The following GP2 variants were observed in gnomAD, a reference collection of about 807,000 sequenced individuals.
GP2 encodes glycoprotein 2.
A neutral mutation model predicts 60.8 loss-of-function variants in GP2; 58 were observed. That is an observed-to-expected ratio of 0.95 (90% CI 0.77 to 1.19). The LOEUF is 1.19. Ranked by LOEUF, GP2 falls within the 50% of genes most tolerant of loss-of-function variation. The pLI, the probability that GP2 is intolerant of heterozygous loss-of-function variation, is 0.00. For synonymous variants in GP2, 280 were observed against 253.4 expected (o/e 1.10, Z -1.00); for missense variants, 647 against 667.4 (o/e 0.97, Z 0.34).
chr16:20,326,444 G>T lies in GP2; in HGVS notation c.-13C>A, dbSNP rs752685899. ...TAAGGTGAGGCATGCAGGTCACTTT[G>T]CTGTATGCAGACTTCCCATGCAGCT... is the stretch of plus-strand genomic sequence containing the variant. On this transcript the variant is annotated 5_prime_UTR_variant, in exon 2 of 11. Transcript: ENST00000302555. 1.2e-6 allele frequency: 2 copies of T among 1,612,350 alleles called. No homozygotes were observed. The highest frequency in any genetic ancestry group is 4.5e-5 in the East Asian group (2 of 44,874).
At chr16:20,318,935 G>T (rs922948812) in intron 6 of GP2, among the ~76,000 whole-genome samples, 1 of 152,156 alleles carries the variant, frequency 6.6e-6, no homozygotes, top group Non-Finnish European at 1.5e-5. Flanking sequence ...GGGAGCAATA[G>T]GGAATGAGAC....
rs150853759 is a variant in GP2, at chr16:20,323,858, G to T, written c.493C>A (p.Arg165=). ...TTACACCAGGGAGTGCCTTCCAACCGGTACACATGGTACCCGCCTGGGCAG... is the reference window on the plus strand; with the variant it reads ...TTACACCAGGGAGTGCCTTCCAACCTGTACACATGGTACCCGCCTGGGCAG... The part of the protein sequence containing the change: ...KACPGGYHVY[R]LEGTPWCNLR... Residue 165 remains arginine (R), a synonymous_variant, in exon 3 of 11, where the codon CGG becomes AGG. Transcript: ENST00000302555. The T allele has an allele frequency of 6.2e-7, 1 of 1,613,738 alleles. No individual in the cohort carries two copies. Among genetic ancestry groups the T allele is most frequent in the Admixed American group, 1.7e-5 (1 of 59,988 alleles).
chr16:20,323,469 C>T (rs1964429176), intron 3 of GP2: 4 of 694,180 alleles, frequency 5.8e-6, no homozygotes, highest in East Asian at 2.7e-5. Context: ...TATGTATTAG[C>T]TGTTATTTTT....
Position 20,320,415 on chromosome 16 carries a change from C to T in GP2, c.705G>A (p.Val235=). Residue 235 remains valine, a synonymous_variant, in exon 5 of 11, where the codon GTG becomes GTA. Transcript: ENST00000302555. The part of the protein sequence containing the change: ...DCGPREIKVK[V]DKCLLGGLGL... ...CCAGGCCTCCCAGCAAACATTTGTC[C>T]ACCTTCACCTTGATCTCCCTGGGCC... 1 of 1,613,926 alleles carries T rather than the reference C, an allele frequency of 6.2e-7. No homozygotes were observed. Among genetic ancestry groups the T allele is most frequent in the Non-Finnish European group, 8.5e-7 (1 of 1,179,890 alleles).
chr16:20,322,489 C>T (rs1192363260), intron 4 of GP2, among the ~76,000 whole-genome samples: 1 of 152,148 alleles, frequency 6.6e-6, no homozygotes, highest in East Asian at 1.9e-4. Context: ...GATATTCAGG[C>T]TCAGAGACAG....
intron 6 of GP2, 46 bp from the exon 7 acceptor site, chr16:20,318,476 T>C (rs1346400300): frequency 6.3e-7 from 1 of 1,588,442 alleles, no homozygotes. Context: ...GAGAACAACA[T>C]AAATCAAGCC....
At chr16:20,312,086 C>T (rs1433192265) in intron 10 of GP2, among the ~76,000 whole-genome samples, 1 of 152,212 alleles carries the variant, frequency 6.6e-6, no homozygotes, top group East Asian at 1.9e-4. Flanking sequence ...CATTGCCTGG[C>T]ACATGGTAAA....
At position 20,318,375 on chromosome 16, in the gene GP2, A is replaced by G; in HGVS notation, c.1063T>C (p.Phe355Leu). ...GGATTCGTGTAGTTCTGGTCTTGGA[A>G]GAGGGCCATCCTGACAATGAACTCT... ...NGEFIVRMAL[F>L]QDQNYTNPYE... Residue 355 changes from phenylalanine to leucine, a missense_variant, in exon 7 of 11, where the codon TTC (phenylalanine) becomes CTC (leucine). By Grantham distance (22) the Phe-to-Leu change is conservative. Transcript: ENST00000302555. The G allele has an allele frequency of 6.2e-7, 1 of 1,612,824 alleles. No homozygotes were observed. The highest frequency in any genetic ancestry group is 8.5e-7 in the Non-Finnish European group (1 of 1,178,822).
At chr16:20,314,799 T>C (rs578188552) in intron 9 of GP2, 98 bp from the exon 10 acceptor site, 1 of 863,246 alleles carries the variant, frequency 1.2e-6, no homozygotes, top group Non-Finnish European at 2.0e-6. Context: ...GACCTGGCCA[T>C]CGCAACCACC....
chr16:20,310,907 C>A lies in GP2; in HGVS notation c.*316G>T, dbSNP rs1963976658. ...GAGTAGCTGGGATTACAGGCGCCTG[C>A]CACCATGCCTGGCTAATTTTTGTAT... is the stretch of plus-strand genomic sequence containing the variant. On this transcript the variant is annotated 3_prime_UTR_variant, in exon 11 of 11. Coordinates refer to ENST00000302555, the MANE Select transcript of GP2 (RefSeq NM_001502.4). 4.6e-6 allele frequency: 1 copy of A among 219,398 alleles called. No homozygotes were observed. Among genetic ancestry groups the A allele is most frequent in the Non-Finnish European group, 9.2e-6 (1 of 108,476 alleles). 13.6% of individuals were successfully genotyped at this position (219,398 alleles called of 1,614,324 possible). A position where few individuals can be genotyped will look rare whatever the true frequency, so the allele number is the denominator to read the frequency against.
chr16:20,316,628 C>G (rs1026743022), intron 8 of GP2, among the ~76,000 whole-genome samples: 2 of 152,018 alleles, frequency 1.3e-5, no homozygotes, highest in African/African-American at 4.8e-5. Flanking sequence ...CTAAAAAAGT[C>G]ATCTATGATT....
chr16:20,315,051 T>G (rs373540421), intron 9 of GP2, among the ~76,000 whole-genome samples: 51 of 152,224 alleles, frequency 3.4e-4, no homozygotes, highest in African/African-American at 1.2e-3. Context: ...AAGTGGAAGT[T>G]CCTAACCTCC....
At position 20,326,449 on chromosome 16, in the gene GP2, A is replaced by G; in HGVS notation, c.-18T>C. 6.2e-7 allele frequency: 1 copy of G among 1,613,230 alleles called. No homozygotes were observed. Among genetic ancestry groups the G allele is most frequent in the Non-Finnish European group, 8.5e-7 (1 of 1,179,282 alleles). ...TGAGGCATGCAGGTCACTTTGCTGTATGCAGACTTCCCATGCAGCTATGGG... is the reference window on the plus strand; with the variant it reads ...TGAGGCATGCAGGTCACTTTGCTGTGTGCAGACTTCCCATGCAGCTATGGG... On this transcript the variant is annotated 5_prime_UTR_variant, in exon 2 of 11. Coordinates refer to ENST00000302555, the MANE Select transcript of GP2 (RefSeq NM_001502.4).
Position 20,322,998 on chromosome 16 carries a change from A to G in GP2, c.536-19T>C, listed in dbSNP as rs745624646. ...GATGGGTCTAGGTGATGGGGCATGGAGAGAGAAGATCAGGATGCAGTGCGG... is the reference window on the plus strand; with the variant it reads ...GATGGGTCTAGGTGATGGGGCATGGGGAGAGAAGATCAGGATGCAGTGCGG... On this transcript the variant is annotated intron_variant, in intron 3 of 10. Coordinates refer to ENST00000302555, the MANE Select transcript of GP2 (RefSeq NM_001502.4). The G allele has an allele frequency of 7.1e-7, 1 of 1,415,858 alleles. No homozygotes were observed. The highest frequency in any genetic ancestry group is 1.0e-6 in the Non-Finnish European group (1 of 999,986). The allele number at this position is 1,415,858 out of a possible 1,614,324, so 87.7% of individuals were successfully genotyped here. A position where few individuals can be genotyped will look rare whatever the true frequency, so the allele number is the denominator to read the frequency against.
At chr16:20,326,617 A>G (rs1014659713) in intron 1 of GP2, 150 bp from the exon 2 acceptor site, 5 of 652,708 alleles carry the variant, frequency 7.7e-6, no homozygotes, top group Non-Finnish European at 1.3e-5. Flanking sequence ...GATAAAATTG[A>G]CAGTAAGCAA....
In GP2 at chr16:20,322,929, C is replaced by T. The variant is rs1964409678; in HGVS notation, c.586G>A (p.Glu196Lys). ...KCEKACRPEE[E>K]CLALNSTWGC... Reference sequence around the variant, plus strand: ...CAGGTGCTGTTGAGGGCAAGGCACTCCTCCTCGGGGCGGCAGGCCTTCTCA... The same window carrying T: ...CAGGTGCTGTTGAGGGCAAGGCACTTCTCCTCGGGGCGGCAGGCCTTCTCA... Residue 196 changes from glutamate (E) to lysine (K), a missense_variant, in exon 4 of 11, where the codon GAG becomes AAG. Transcript: ENST00000302555. The T allele has an allele frequency of 6.2e-7, 1 of 1,613,334 alleles. No individual in the cohort carries two copies. Among genetic ancestry groups the T allele is most frequent in the African/African-American group, 1.3e-5 (1 of 74,924 alleles).
chr16:20,323,568 G>C, intron 3 of GP2: 1 of 589,154 alleles, frequency 1.7e-6, no homozygotes. Flanking sequence ...AAATCGGAAC[G>C]AGCATGAGTT....
At position 20,323,873 on chromosome 16, in the gene GP2, C is replaced by T. The variant is rs749963542; in HGVS notation, c.478G>A (p.Gly160Arg). 19 of 1,613,858 alleles carry T rather than the reference C, an allele frequency of 1.2e-5. No individual in the cohort carries two copies. Among genetic ancestry groups the T allele is most frequent in the East Asian group, 6.7e-5 (3 of 44,862 alleles). Reference protein sequence around the residue: ...TEVLVKACPGGYHVYRLEGTP... With the variant: ...TEVLVKACPGRYHVYRLEGTP... ...CCTTCCAACCGGTACACATGGTACC[C>T]GCCTGGGCAGGCCTTCACCAGCACC... Residue 160 changes from glycine to arginine, a missense_variant, in exon 3 of 11, where the codon GGG (glycine) becomes AGG (arginine). By Grantham distance (125) the Gly-to-Arg change is moderately radical (BLOSUM62 -2). Transcript: ENST00000302555.
chr16:20,324,270 A>G lies in GP2; in HGVS notation c.95-14T>C. 2 of 1,566,344 alleles carry G rather than the reference A, an allele frequency of 1.3e-6. No homozygotes were observed. Among genetic ancestry groups the G allele is most frequent in the Admixed American group, 1.7e-5 (1 of 57,286 alleles). Reference sequence around the variant, plus strand: ...GGTTTCCATAACCTGGGAAAGTGACAGAGTGCAGTTGGGTTTACTGAGCAA... The same window carrying G: ...GGTTTCCATAACCTGGGAAAGTGACGGAGTGCAGTTGGGTTTACTGAGCAA... On this transcript the variant is annotated splice_polypyrimidine_tract_variant and intron_variant, in intron 2 of 10. Transcript: ENST00000302555.
Sources: gnomAD v4.1 joint callset for allele counts (sites outside exome capture counted in the v4.1 genomes callset) on GRCh38, gnomAD v4.1.1 for gene constraint, MANE v1.5 for transcripts, NCBI Gene and HGNC (gene_info 2026-07-23, HGNC 2026-07-21) for gene names.